Variants in PALM2AKAP2 observed in about 807,000 individuals in gnomAD.
The protein encoded by PALM2AKAP2 is PALM2 and AKAP2 fusion, also known as PALM2-AKAP2 fusion protein.
A neutral mutation model predicts 71.5 loss-of-function variants in PALM2AKAP2; 37 were observed. The ratio of observed to expected loss-of-function variants is 0.52; its 90% CI spans 0.40 to 0.68. The LOEUF is 0.68. Ranked by LOEUF, PALM2AKAP2 falls within the 30% of genes least tolerant of loss-of-function variation. PALM2AKAP2 has a pLI of 0.00. For missense variants in PALM2AKAP2, 1,224 were observed against 1,191.8 expected (o/e 1.03, Z -0.40); for synonymous variants, 468 against 478.8 (o/e 0.98, Z 0.29).
chr9:110,144,266 G>T (rs1334151277), intron 2 of PALM2AKAP2, among the ~76,000 whole-genome samples: 5 of 152,246 alleles, frequency 3.3e-5, no homozygotes, highest in Non-Finnish European at 7.3e-5. Context: ...CTGCAAGGCA[G>T]GCACCAACTG....
Position 109,683,206 on chromosome 9 carries a change from C to T in PALM2AKAP2, c.5+42340C>T, listed in dbSNP as rs547363430. ...AGATGCCACTATGCTTTCTGTACAG[C>T]CTGCAGAATGGTGAGCCAATTAAAC... On this transcript the variant is annotated intron_variant, in intron 1 of 6. Transcript: ENST00000374531. Among the ~76,000 whole-genome samples, 3 of 152,288 alleles carry T rather than the reference C, an allele frequency of 2.0e-5. No homozygotes were observed. The South Asian group carries it at 6.2e-4, about 32-fold the overall frequency.
At chr9:110,036,600 T>G (rs571488077) in intron 7 of PALM2AKAP2, among the ~76,000 whole-genome samples, 1 of 152,266 alleles carries the variant, frequency 6.6e-6, no homozygotes, top group African/African-American at 2.4e-5. Flanking sequence ...ACAGCCACAG[T>G]GATGTTATAA....
intron 1 of PALM2AKAP2, among the ~76,000 whole-genome samples, chr9:109,663,833 T>C (rs1451331127): frequency 6.6e-6 from 1 of 152,194 alleles, no homozygotes; most frequent in Non-Finnish European, 1.5e-5. Context: ...AGTCTCTTTG[T>C]AGGTCTCTAA....
chr9:109,665,089 C>CT (rs1348249863), intron 1 of PALM2AKAP2, among the ~76,000 whole-genome samples: 2 of 152,124 alleles, frequency 1.3e-5, no homozygotes, highest in African/African-American at 2.4e-5. Context: ...TTCATCTAAT[C>CT]TTTTTTCAAA....
At chr9:109,941,444 G>A (rs1305137301) in intron 6 of PALM2AKAP2, among the ~76,000 whole-genome samples, 2 of 152,214 alleles carry the variant, frequency 1.3e-5, no homozygotes, top group African/African-American at 4.8e-5. Flanking sequence ...TTGGCTGTAA[G>A]AAAGTAGGAA....
At chr9:109,794,154 A>T (rs1464815581) in intron 1 of PALM2AKAP2, among the ~76,000 whole-genome samples, 1 of 152,186 alleles carries the variant, frequency 6.6e-6, no homozygotes, top group Non-Finnish European at 1.5e-5. Context: ...GCTTACCATG[A>T]TGAGAGGTTT....
intron 1 of PALM2AKAP2, among the ~76,000 whole-genome samples, chr9:109,818,304 G>A (rs1397079041): frequency 1.3e-5 from 2 of 151,978 alleles, no homozygotes; most frequent in Admixed American, 1.3e-4. Flanking sequence ...CTGAATCATA[G>A]CATCTTATAA....
At chr9:109,861,628 G>A (rs1423609531) in intron 1 of PALM2AKAP2, among the ~76,000 whole-genome samples, 1 of 152,142 alleles carries the variant, frequency 6.6e-6, no homozygotes, top group East Asian at 1.9e-4. Context: ...ACACTGCCCC[G>A]AATGGTTGCT....
chr9:110,165,213 A>G (rs1836705243), intron 3 of PALM2AKAP2, among the ~76,000 whole-genome samples: 1 of 152,028 alleles, frequency 6.6e-6, no homozygotes, highest in Admixed American at 6.6e-5. Context: ...AAAATAAAGG[A>G]ATGAACTTTA....
chr9:110,166,526 A>G (rs1326855391), intron 3 of PALM2AKAP2, among the ~76,000 whole-genome samples: 1 of 152,214 alleles, frequency 6.6e-6, no homozygotes, highest in Non-Finnish European at 1.5e-5. Context: ...TCTCTATTTA[A>G]CTATACAGAT....
At chr9:109,860,222 C>G (rs1031998182) in intron 1 of PALM2AKAP2, among the ~76,000 whole-genome samples, 9 of 152,140 alleles carry the variant, frequency 5.9e-5, no homozygotes, top group Admixed American at 4.6e-4. Context: ...CTTGATTACT[C>G]AGGTTTTCAG....
chr9:110,130,688 G>C (rs997003999), intron 1 of PALM2AKAP2, among the ~76,000 whole-genome samples: 1 of 152,196 alleles, frequency 6.6e-6, no homozygotes, highest in African/African-American at 2.4e-5. Context: ...ACAGGATTCT[G>C]TTACCATTTT....
chr9:110,172,237 T>C (rs1253067442), exon 4 of PALM2AKAP2: 7 of 152,668 alleles, frequency 4.6e-5, no homozygotes, highest in African/African-American at 1.7e-4. Flanking sequence ...AAAGAACAAA[T>C]TTCCTGAATT....
At chr9:109,744,093 C>T (rs747698013) in intron 1 of PALM2AKAP2, among the ~76,000 whole-genome samples, 13 of 152,050 alleles carry the variant, frequency 8.5e-5, no homozygotes, top group Admixed American at 2.0e-4. Context: ...AATTAAAATT[C>T]GTATTAGAGT....
At chr9:110,034,317 C>T (rs1833340667) in intron 7 of PALM2AKAP2, among the ~76,000 whole-genome samples, 1 of 152,152 alleles carries the variant, frequency 6.6e-6, no homozygotes, top group African/African-American at 2.4e-5. Flanking sequence ...TGCCACCACG[C>T]CCGGCTAATT....
At chr9:110,067,975 C>T (rs1214702168) in intron 1 of PALM2AKAP2, among the ~76,000 whole-genome samples, 2 of 141,876 alleles carry the variant, frequency 1.4e-5, no homozygotes, top group South Asian at 2.1e-4. Flanking sequence ...AGAATAATGA[C>T]GAGGCTGCAG....
Position 109,859,597 on chromosome 9 carries a change from A to G in PALM2AKAP2, c.46-7894A>G, listed in dbSNP as rs367862156. 1.3e-3 allele frequency among the ~76,000 whole-genome samples: 197 copies of G among 152,382 alleles called. 2 individuals are homozygous for G. The highest frequency in any genetic ancestry group is 4.6e-3 in the African/African-American group (192 of 41,586). On this transcript the variant is annotated intron_variant, in intron 1 of 9. Coordinates refer to the PALM2AKAP2 transcript ENST00000302798. ...TTAAAAGTAAATAACTACAGAAAAC[A>G]ATACAAAGCTGGCAGTTCCTTCTTT...
At chr9:109,836,187 G>C (rs1359044167) in intron 1 of PALM2AKAP2, among the ~76,000 whole-genome samples, 18 of 152,272 alleles carry the variant, frequency 1.2e-4, no homozygotes, top group Non-Finnish European at 1.8e-4. Context: ...GAAGCTTCCA[G>C]AGGAATGATC....
chr9:109,801,162 G>A (rs1485425107), intron 1 of PALM2AKAP2, among the ~76,000 whole-genome samples: 1 of 152,192 alleles, frequency 6.6e-6, no homozygotes, highest in Non-Finnish European at 1.5e-5. Context: ...AGACAGACCT[G>A]TTGTCCTAAA....
Sources: allele counts gnomAD v4.1 joint callset (sites outside exome capture counted in the v4.1 genomes callset), GRCh38; gene constraint gnomAD v4.1.1; transcripts MANE v1.5; gene names NCBI Gene and HGNC (gene_info 2026-07-23, HGNC 2026-07-21).